TASP1: variants seen among roughly 807,000 people sequenced by gnomAD.
TASP1 encodes the protein threonine aspartase 1.
Under a neutral mutation model 56.6 loss-of-function variants are expected in TASP1, and 16 were observed. The observed-to-expected ratio is 0.28, with a 90% CI of 0.19 to 0.43. The LOEUF (loss-of-function observed/expected upper bound fraction) is 0.43, where lower values mean the gene tolerates loss of function less well. Ranked by LOEUF, TASP1 falls within the 20% of genes least tolerant of loss-of-function variation. TASP1 has a pLI of 1.00. For missense variants in TASP1, 393 were observed against 511.6 expected (o/e 0.77, Z 2.24); for synonymous variants, 179 against 184.2 (o/e 0.97, Z 0.23).
rs777719144 is a variant in TASP1 at position 13,483,163 on chromosome 20, T to C, written c.985+64A>G. 20 of 1,214,054 alleles carry C rather than the reference T, an allele frequency of 1.6e-5. No individual in the cohort carries two copies. In the Admixed American group the frequency reaches 2.1e-4, roughly 13 times the overall value. 75.2% of individuals were successfully genotyped at this position (1,214,054 alleles called of 1,614,324 possible). ...AAATACAAATGGAGTACCTGACTCA[T>C]AGTGCTTATAGAAGTGAAATAATCC... On this transcript the variant is annotated intron_variant, in intron 11 of 13. Coordinates refer to ENST00000337743, the MANE Select transcript of TASP1 (RefSeq NM_017714.3).
At chr20:13,533,416 G>A (rs941978303) in intron 9 of TASP1, among the ~76,000 whole-genome samples, 6 of 152,060 alleles carry the variant, frequency 3.9e-5, no homozygotes, top group African/African-American at 1.4e-4. Flanking sequence ...TGAGAGACGG[G>A]GGAAAGGGGC....
chr20:13,543,579 T>A (rs1419550896), intron 8 of TASP1, among the ~76,000 whole-genome samples: 1 of 152,124 alleles, frequency 6.6e-6, no homozygotes, highest in East Asian at 1.9e-4. Flanking sequence ...CCAGCCTGGG[T>A]GACCCAGCGA....
chr20:13,298,976 A>G, the TASP1 span: 1 of 1,613,620 alleles, frequency 6.2e-7, no homozygotes, highest in Non-Finnish European at 8.5e-7. Flanking sequence ...TGAGCTGCAA[A>G]AGCGAGTTCT....
chr20:13,227,275 C>T, the TASP1 span, among the ~76,000 whole-genome samples: 1 of 152,032 alleles, frequency 6.6e-6, no homozygotes, highest in African/African-American at 2.4e-5. Flanking sequence ...GCTATCTTGG[C>T]TCACTGCAAG....
intron 12 of TASP1, among the ~76,000 whole-genome samples, chr20:13,430,003 G>C (rs2042751569): frequency 6.6e-6 from 1 of 152,128 alleles, no homozygotes; most frequent in Non-Finnish European, 1.5e-5. Context: ...GGACTGAGGG[G>C]ACAAATAGAG....
intron 2 of TASP1, among the ~76,000 whole-genome samples, chr20:13,629,272 G>A (rs957929494): frequency 6.6e-6 from 1 of 150,664 alleles, no homozygotes; most frequent in Non-Finnish European, 1.5e-5. Flanking sequence ...GCTGAGGCAG[G>A]TGAATTGCTT....
intron 3 of TASP1, among the ~76,000 whole-genome samples, chr20:13,624,852 T>C (rs753996565): frequency 6.6e-6 from 1 of 152,088 alleles, no homozygotes; most frequent in Admixed American, 6.5e-5. Context: ...TTTCCCTTCA[T>C]GGAAAAACAC....
chr20:13,213,414 C>CA, the TASP1 span, among the ~76,000 whole-genome samples: 4 of 151,698 alleles, frequency 2.6e-5, no homozygotes, highest in Admixed American at 2.0e-4. Flanking sequence ...ACAAAGTGAA[C>CA]AAAAAAAAGA....
intron 10 of TASP1, among the ~76,000 whole-genome samples, chr20:13,512,304 G>A (rs1167030042): frequency 1.3e-5 from 2 of 151,964 alleles, no homozygotes; most frequent in Non-Finnish European, 2.9e-5. Context: ...CATTCTAACT[G>A]GTGTGAGATG....
At chr20:13,335,977 TGA>T in the TASP1 span, among the ~76,000 whole-genome samples, 1 of 152,140 alleles carries the variant, frequency 6.6e-6, no homozygotes, top group Admixed American at 6.5e-5. Flanking sequence ...AAGAGTTCTC[TGA>T]GAGTCTAAGA....
chr20:13,590,188 T>G (rs2047470017), intron 4 of TASP1, among the ~76,000 whole-genome samples: 1 of 152,050 alleles, frequency 6.6e-6, no homozygotes, highest in East Asian at 1.9e-4. Flanking sequence ...GCCAAGATCT[T>G]GCACCACTGC....
At chr20:13,282,019 TC>T in the TASP1 span, among the ~76,000 whole-genome samples, 1 of 152,156 alleles carries the variant, frequency 6.6e-6, no homozygotes, top group African/African-American at 2.4e-5. Context: ...ACCTACTGAG[TC>T]AGAAACTCTG....
chr20:13,262,253 TG>T, the TASP1 span, among the ~76,000 whole-genome samples: 1 of 152,210 alleles, frequency 6.6e-6, no homozygotes, highest in Non-Finnish European at 1.5e-5. Flanking sequence ...AGCCCCCTGG[TG>T]GCCACTGGTG....
At chr20:13,575,054 G>A (rs2046849262) in intron 6 of TASP1, among the ~76,000 whole-genome samples, 1 of 152,046 alleles carries the variant, frequency 6.6e-6, no homozygotes, top group Non-Finnish European at 1.5e-5. Context: ...AAACATATAT[G>A]TAAAAATTCT....
intron 11 of TASP1, among the ~76,000 whole-genome samples, chr20:13,482,861 C>G (rs1384067287): frequency 2.0e-5 from 3 of 152,080 alleles, no homozygotes; most frequent in Non-Finnish European, 2.9e-5. Flanking sequence ...TATAATCAAC[C>G]TTTTTCTGAA....
At chr20:13,510,304 A>T (rs1234269220) in intron 10 of TASP1, among the ~76,000 whole-genome samples, 1 of 152,198 alleles carries the variant, frequency 6.6e-6, no homozygotes, top group African/African-American at 2.4e-5. Context: ...GATACTTGAG[A>T]GGAAAACAAA....
At chr20:13,223,992 G>T in the TASP1 span, among the ~76,000 whole-genome samples, 1 of 152,006 alleles carries the variant, frequency 6.6e-6, no homozygotes. Flanking sequence ...TGGTGGAAGT[G>T]GCAGTTCTAA....
chr20:13,120,499 G>C, the TASP1 span, among the ~76,000 whole-genome samples: 2 of 152,070 alleles, frequency 1.3e-5, no homozygotes, highest in Non-Finnish European at 2.9e-5. Context: ...CTAGAAAAAA[G>C]AGATAAAAAC....
At chr20:13,489,493 C>T (rs1164148487) in intron 10 of TASP1, among the ~76,000 whole-genome samples, 2 of 151,530 alleles carry the variant, frequency 1.3e-5, no homozygotes, top group Non-Finnish European at 2.9e-5. Context: ...GCATCAAGGA[C>T]CATCCATGGC....
Sources: allele counts gnomAD v4.1 joint callset (sites outside exome capture counted in the v4.1 genomes callset), GRCh38; gene constraint gnomAD v4.1.1; transcripts MANE v1.5; gene names NCBI Gene and HGNC (gene_info 2026-07-23, HGNC 2026-07-21).